The following DNAH14 variants were observed in gnomAD, a reference collection of about 807,000 sequenced individuals.
DNAH14 encodes axonemal beta dynein heavy chain 14.
Under a neutral mutation model 520.9 loss-of-function variants are expected in DNAH14, and 478 were observed. The ratio of observed to expected loss-of-function variants is 0.92; its 90% CI spans 0.85 to 0.99. DNAH14 has a LOEUF of 0.99. Ranked by LOEUF, DNAH14 falls within the 50% of genes least tolerant of loss-of-function variation. DNAH14 has a pLI of 0.00. For missense variants in DNAH14, 4,831 were observed against 5,234.5 expected (o/e 0.92, Z 2.38); for synonymous variants, 1,581 against 1,757.2 (o/e 0.90, Z 2.51).
intron 60 of DNAH14, among the ~76,000 whole-genome samples, chr1:225,311,820 C>CA (rs2094372461): frequency 2.0e-5 from 3 of 152,090 alleles, no homozygotes; most frequent in Admixed American, 6.6e-5. Context: ...GTTTTAGTAC[C>CA]AGTAGCATGC....
chr1:225,104,527 G>T (rs897265706), intron 23 of DNAH14, among the ~76,000 whole-genome samples: 2 of 151,892 alleles, frequency 1.3e-5, no homozygotes, highest in Non-Finnish European at 2.9e-5. Context: ...GACTTTTTTT[G>T]GTTGGTAAGC....
intron 42 of DNAH14, among the ~76,000 whole-genome samples, chr1:225,237,423 G>C (rs2091667932): frequency 6.6e-6 from 1 of 152,156 alleles, no homozygotes; most frequent in South Asian, 2.1e-4. Flanking sequence ...CTCTAGGAAT[G>C]TTGAATATTG....
Position 225,259,021 on chromosome 1 carries a change from C to T in DNAH14, c.7025-100C>T, listed in dbSNP as rs1190912437. The T allele has an allele frequency of 3.2e-6, 4 of 1,256,984 alleles. No homozygotes were observed. In the African/African-American group the frequency reaches 4.8e-5, roughly 15 times the overall value. The allele number at this position is 1,256,984 out of a possible 1,614,324, so 77.9% of individuals were successfully genotyped here. A position where few individuals can be genotyped will look rare whatever the true frequency, so the allele number is the denominator to read the frequency against. ...GAAGAACAAAAAAACACTTTTTATG[C>T]AATTTTCAATTGAGGGAGAATGTTA... On this transcript the variant is annotated intron_variant, in intron 45 of 85. Coordinates refer to ENST00000682510, the MANE Select transcript of DNAH14 (RefSeq NM_001367479.1).
intron 41 of DNAH14, among the ~76,000 whole-genome samples, chr1:225,210,834 C>A (rs987816002): frequency 7.9e-5 from 12 of 152,202 alleles, no homozygotes; most frequent in Non-Finnish European, 1.3e-4. Flanking sequence ...TGTTCTGCAA[C>A]CTCCGCTGCT....
intron 51 of DNAH14, 73 bp downstream of exon 51, chr1:225,272,146 A>T: frequency 7.2e-7 from 1 of 1,381,200 alleles, no homozygotes; most frequent in South Asian, 1.4e-5. Flanking sequence ...TCAACATTAG[A>T]TTGTTAGAAG....
chr1:225,395,753 ACTT>A (rs1218764688), intron 84 of DNAH14: 1 of 152,240 alleles, frequency 6.6e-6, no homozygotes, highest in Non-Finnish European at 1.5e-5. Flanking sequence ...CACTGGGGAT[ACTT>A]CTTGTTTTCC....
At chr1:225,362,721 C>T (rs1240446999) in intron 75 of DNAH14, among the ~76,000 whole-genome samples, 1 of 151,944 alleles carries the variant, frequency 6.6e-6, no homozygotes, top group Admixed American at 6.6e-5. Context: ...AAAAGAAATT[C>T]ATACTTCTTT....
intron 8 of DNAH14, among the ~76,000 whole-genome samples, chr1:224,998,639 T>A (rs1436996354): frequency 3.4e-5 from 5 of 148,942 alleles, no homozygotes; most frequent in Non-Finnish European, 7.4e-5. Context: ...TTTTAAAAAA[T>A]GTGTTGAGTT....
In DNAH14 at chr1:224,953,129, C is replaced by CTTTTTTTTTTTT. The variant is rs56337123; in HGVS notation, c.77+361_77+362insTTTTTTTTTTTT. On this transcript the variant is annotated intron_variant, in intron 2 of 85. Transcript: ENST00000682510. ...TAGGTACATTAGATACATAGAAATA[C>CTTTTTTTTTTTT]TTTTTTTTTTTGAAACAGAGTCTCA... is the stretch of plus-strand genomic sequence containing the variant. 210 of 151,464 alleles carry CTTTTTTTTTTTT rather than the reference C, an allele frequency of 1.4e-3. 1 individual carries two copies. Among genetic ancestry groups the CTTTTTTTTTTTT allele is most frequent in the East Asian group, 3.0e-3 (15 of 4,976 alleles). The allele number at this position is 151,464 out of a possible 1,614,324, so 9.4% of individuals were successfully genotyped here.
At chr1:225,044,511 C>G (rs1034613824) in intron 15 of DNAH14, among the ~76,000 whole-genome samples, 2 of 151,934 alleles carry the variant, frequency 1.3e-5, no homozygotes, top group Admixed American at 6.6e-5. Flanking sequence ...TTCAGAGGGC[C>G]CCTATTTCCA....
At chr1:225,250,206 G>C (rs548943370) in intron 43 of DNAH14, among the ~76,000 whole-genome samples, 82 of 152,288 alleles carry the variant, frequency 5.4e-4, no homozygotes, top group African/African-American at 1.9e-3. Flanking sequence ...CAATATATTA[G>C]GGTTCTTGTT....
chr1:225,290,647 GTATATATA>G (rs56045354), intron 55 of DNAH14, among the ~76,000 whole-genome samples: 5,933 of 57,304 alleles, frequency 0.1, 312 homozygotes, highest in Middle Eastern at 0.26. Context: ...GTGTGTGTGT[GTATATATA>G]TATATATATA....
At chr1:224,953,289 A>T (rs2125503354) in intron 2 of DNAH14, among the ~76,000 whole-genome samples, 1 of 151,606 alleles carries the variant, frequency 6.6e-6, no homozygotes, top group Middle Eastern at 3.4e-3. Context: ...CACCTGGCTA[A>T]TTTTTTTTGT....
rs2091227535 is a variant in DNAH14 at position 225,232,509 on chromosome 1, T to C, written c.6518+1358T>C. 6.6e-6 allele frequency among the ~76,000 whole-genome samples: 1 copy of C among 152,198 alleles called. No homozygotes were observed. Among genetic ancestry groups the C allele is most frequent in the Non-Finnish European group, 1.5e-5 (1 of 68,040 alleles). On this transcript the variant is annotated intron_variant, in intron 42 of 85. Transcript: ENST00000682510. This position sits in a 1 kb window ranked among gnomAD's most constrained non-coding sequence, Gnocchi z 4.2. ...TCTCAAAGTGGAAGAAAAAAAATCTTGGTACAGCCTAAAAATGTCCTGCCT... is the reference window on the plus strand; with the variant it reads ...TCTCAAAGTGGAAGAAAAAAAATCTCGGTACAGCCTAAAAATGTCCTGCCT...
intron 71 of DNAH14, among the ~76,000 whole-genome samples, chr1:225,349,965 A>G (rs780249418): frequency 6.6e-6 from 1 of 152,190 alleles, no homozygotes; most frequent in Non-Finnish European, 1.5e-5. Context: ...AGACATACAC[A>G]GAACTGTCTT....
In DNAH14 at chr1:225,104,723, G is replaced by A. The variant is rs574208928; in HGVS notation, c.3867+3839G>A. Among the ~76,000 whole-genome samples, 762 of 152,198 alleles carry A rather than the reference G, an allele frequency of 5.0e-3. 6 individuals carry two copies. The highest frequency in any genetic ancestry group is 0.017 in the African/African-American group (718 of 41,526). ...GGTAGTTTGTATTTCTGTGGGATAG[G>A]TGGTGATGTCCCCTTTATCATTTTT... On this transcript the variant is annotated intron_variant, in intron 23 of 85. Coordinates refer to ENST00000682510, the MANE Select transcript of DNAH14 (RefSeq NM_001367479.1).
chr1:224,934,874 C>A (rs116311649), intron 1 of DNAH14, among the ~76,000 whole-genome samples: 1,708 of 151,672 alleles, frequency 0.011, 13 homozygotes, highest in Non-Finnish European at 0.017. Context: ...ATGATATATT[C>A]AAAATGCCAA....
At chr1:224,965,683 G>A (rs1047246273) in intron 5 of DNAH14, among the ~76,000 whole-genome samples, 8 of 152,066 alleles carry the variant, frequency 5.3e-5, no homozygotes, top group Non-Finnish European at 8.8e-5. Flanking sequence ...GATTCACCTG[G>A]TTTTGAACCT....
At chr1:225,192,980 T>A in intron 38 of DNAH14, 69 bp downstream of exon 38, 1 of 1,217,350 alleles carries the variant, frequency 8.2e-7, no homozygotes, top group Non-Finnish European at 1.1e-6. Context: ...ATCCAAAGAC[T>A]GATATTAAAA....
Sources: allele counts gnomAD v4.1 joint callset (sites outside exome capture counted in the v4.1 genomes callset), GRCh38; gene constraint gnomAD v4.1.1; non-coding constraint Gnocchi (gnomAD v3.1); transcripts MANE v1.5; gene names NCBI Gene and HGNC (gene_info 2026-07-23, HGNC 2026-07-21).